The following EXD3 variants were observed in gnomAD, a reference collection of about 807,000 sequenced individuals.
The protein encoded by EXD3 is exonuclease mut-7 homolog.
EXD3 carries 92 observed loss-of-function variants against 98.0 expected under a neutral mutation model. The observed-to-expected ratio is 0.94, with a 90% CI of 0.79 to 1.12. The LOEUF (loss-of-function observed/expected upper bound fraction) is 1.12. Ranked by LOEUF, EXD3 falls within the 50% of genes most tolerant of loss-of-function variation. The pLI is 0.00. For synonymous variants in EXD3, 569 were observed against 526.0 expected, an observed-to-expected ratio of 1.08 and a Z score of -1.12; for missense variants, 1,222 against 1,191.6, an observed-to-expected ratio of 1.03 and a Z score of -0.38.
chr9:137,337,702 G>A (rs1393360363), intron 17 of EXD3, among the ~76,000 whole-genome samples: 2 of 152,066 alleles, frequency 1.3e-5, no homozygotes, highest in African/African-American at 2.4e-5. Context: ...TCTACTGAGT[G>A]TGTGCATATG....
intron 1 of EXD3, among the ~76,000 whole-genome samples, chr9:137,410,932 C>A (rs1022519753): frequency 2.7e-5 from 4 of 150,834 alleles, no homozygotes; most frequent in African/African-American, 9.8e-5. Context: ...GCCTGGCAGA[C>A]CCCCCAGGGC....
chr9:137,402,124 T>G (rs1300940846), intron 1 of EXD3, among the ~76,000 whole-genome samples: 1 of 152,152 alleles, frequency 6.6e-6, no homozygotes, highest in Non-Finnish European at 1.5e-5. Flanking sequence ...CAAGTGATTC[T>G]CTTGCCTCAG....
chr9:137,374,119 T>G (rs1835779044), intron 3 of EXD3, among the ~76,000 whole-genome samples: 1 of 152,274 alleles, frequency 6.6e-6, no homozygotes, highest in Non-Finnish European at 1.5e-5. Flanking sequence ...CTACAGCAAG[T>G]TGGCCCTCGC....
intron 1 of EXD3, among the ~76,000 whole-genome samples, chr9:137,419,865 T>G (rs1367983319): frequency 2.0e-5 from 3 of 148,730 alleles, no homozygotes; most frequent in Non-Finnish European, 4.5e-5. Flanking sequence ...CCCAACATCA[T>G]ACAGAAAAAA....
At chr9:137,406,694 G>A (rs771854002) in intron 1 of EXD3, among the ~76,000 whole-genome samples, 3 of 152,130 alleles carry the variant, frequency 2.0e-5, no homozygotes, top group Non-Finnish European at 4.4e-5. Flanking sequence ...CCATTCCCAC[G>A]GGCACTCCCA....
chr9:137,347,924 C>A lies in EXD3; in HGVS notation c.1998+147G>T. 1 of 978,578 alleles carries A rather than the reference C, an allele frequency of 1.0e-6. No individual in the cohort carries two copies. The highest frequency in any genetic ancestry group is 1.5e-6 in the Non-Finnish European group (1 of 681,654). The allele number at this position is 978,578 out of a possible 1,614,324, so 60.6% of individuals were successfully genotyped here. ...TGGCCCCCAACCGCTCCATCCTTGG[C>A]CACCCCGTCCTGTTCCCAGAGCCTG... On this transcript the variant is annotated intron_variant, in intron 17 of 21. Coordinates refer to ENST00000340951, the MANE Select transcript of EXD3 (RefSeq NM_017820.5). The surrounding 1 kb of genome is among the most constrained non-coding windows in gnomAD (Gnocchi z 4.2).
intron 17 of EXD3, among the ~76,000 whole-genome samples, chr9:137,335,148 T>C (rs1454609759): frequency 6.6e-6 from 1 of 150,420 alleles, no homozygotes; most frequent in African/African-American, 2.4e-5. Flanking sequence ...TTGCAAACTA[T>C]GCATCTAACG....
chr9:137,319,915 G>A (rs563853647), intron 19 of EXD3, among the ~76,000 whole-genome samples: 25 of 152,278 alleles, frequency 1.6e-4, no homozygotes, highest in African/African-American at 5.8e-4. Flanking sequence ...GGCCCAGCAG[G>A]GTCCCCAGCC....
rs1042641830 is a variant in EXD3, at chr9:137,395,848, G to A, written c.-47-444C>T. On this transcript the variant is annotated intron_variant, in intron 1 of 21. Coordinates refer to ENST00000340951, the MANE Select transcript of EXD3 (RefSeq NM_017820.5). This position sits in a 1 kb window ranked among gnomAD's most constrained non-coding sequence, Gnocchi z 6.5. ...CCTGCAGGACCAGGGACCTCGGAGT[G>A]ACGCCCTCACGGCTGACCCAGTACG... is the stretch of plus-strand genomic sequence containing the variant. 2.0e-5 allele frequency among the ~76,000 whole-genome samples: 3 copies of A among 152,342 alleles called. No homozygotes were observed. The East Asian group carries it at 5.8e-4, about 29-fold the overall frequency.
chr9:137,417,394 G>A (rs1461195328), intron 1 of EXD3, among the ~76,000 whole-genome samples: 1 of 152,222 alleles, frequency 6.6e-6, no homozygotes, highest in African/African-American at 2.4e-5. Flanking sequence ...GGGTGAGGCC[G>A]AACCTGACCA....
At position 137,366,497 on chromosome 9, in the gene EXD3, C is replaced by A; in HGVS notation, c.652G>T (p.Ala218Ser). The A allele has an allele frequency of 6.5e-7, 1 of 1,550,210 alleles. No homozygotes were observed. Among genetic ancestry groups the A allele is most frequent in the Non-Finnish European group, 8.7e-7 (1 of 1,146,802 alleles). The change falls in exon 7 of 22, where the codon GCC becomes TCC. Residue 218 changes from alanine to serine, a missense_variant. Transcript: ENST00000340951. ...CQPGFDIKDV[A>S]RRYPEVTSLS... ...CCAGCGCCCCACGGGACTCACCTGG[C>A]AACGTCCTTGATGTCAAAGCCGGGC... is the stretch of plus-strand genomic sequence containing the variant.
intron 19 of EXD3, among the ~76,000 whole-genome samples, chr9:137,317,316 C>G (rs1030573253): frequency 6.6e-6 from 1 of 152,162 alleles, no homozygotes; most frequent in African/African-American, 2.4e-5. Context: ...TTGAACCTGG[C>G]CATGGCCGGT....
At position 137,324,137 on chromosome 9, in the gene EXD3, TG is replaced by T; in HGVS notation, c.2004del (p.Arg669GlyfsTer8). On this transcript the variant is annotated frameshift_variant, in exon 18 of 22. Coordinates refer to ENST00000340951, the MANE Select transcript of EXD3 (RefSeq NM_017820.5). LOFTEE classifies it high-confidence loss of function. The surrounding 1 kb of genome is among the most constrained non-coding windows in gnomAD (Gnocchi z 4.1). ...GTCAGAATGATCCTCCCCTCCTGCC[TG>T]GCAACCTGTGTGGGAGGTGCGACCA... ...GEDHRRAAEV[A>X]RQEGRIILTS... The T allele has an allele frequency of 6.3e-7, 1 of 1,578,938 alleles. No individual in the cohort carries two copies. Among genetic ancestry groups the T allele is most frequent in the Non-Finnish European group, 8.6e-7 (1 of 1,163,030 alleles).
chr9:137,337,626 G>C (rs755738853), intron 17 of EXD3, among the ~76,000 whole-genome samples: 3 of 151,548 alleles, frequency 2.0e-5, no homozygotes, highest in Non-Finnish European at 4.4e-5. Context: ...ACTCCAGCCT[G>C]GGCGACAGAG....
chr9:137,344,005 C>T (rs1833793710), intron 17 of EXD3, among the ~76,000 whole-genome samples: 1 of 150,274 alleles, frequency 6.7e-6, no homozygotes, highest in Admixed American at 6.7e-5. Flanking sequence ...CATTCTCCTG[C>T]CTCAGTCTCC....
intron 3 of EXD3, among the ~76,000 whole-genome samples, chr9:137,382,147 C>T (rs866641622): frequency 1.4e-5 from 2 of 143,988 alleles, no homozygotes; most frequent in South Asian, 4.5e-4. Context: ...GAGGTGAGGG[C>T]GCGGGGAGGA....
chr9:137,372,826 C>T lies in EXD3; in HGVS notation c.462+79G>A, dbSNP rs145579723. 4,623 of 1,441,748 alleles carry T rather than the reference C, an allele frequency of 3.2e-3. 58 individuals carry two copies. Among genetic ancestry groups the T allele is most frequent in the South Asian group, 0.026 (2,061 of 80,130 alleles). 89.3% of individuals were successfully genotyped at this position (1,441,748 alleles called of 1,614,324 possible). A position where few individuals can be genotyped will look rare whatever the true frequency, so the allele number is the denominator to read the frequency against. On this transcript the variant is annotated intron_variant, in intron 5 of 21. Coordinates refer to ENST00000340951, the MANE Select transcript of EXD3 (RefSeq NM_017820.5). ...GCCCCAAACAGCCCCCACACAGAGG[C>T]GGCCCTGAGCCAGGCGCGTCCTTGC...
chr9:137,357,499 T>G (rs1314562560), intron 7 of EXD3, among the ~76,000 whole-genome samples: 1 of 152,080 alleles, frequency 6.6e-6, no homozygotes, highest in Admixed American at 6.6e-5. Flanking sequence ...AACCTCCCAC[T>G]GAGCTTTCAT....
intron 2 of EXD3, among the ~76,000 whole-genome samples, chr9:137,387,350 G>A (rs79451940): frequency 7.9e-4 from 121 of 152,354 alleles, no homozygotes; most frequent in African/African-American, 2.8e-3. Flanking sequence ...CACAGCCCAC[G>A]CAACTGGGGA....
Sources: gnomAD v4.1 joint callset for allele counts (sites outside exome capture counted in the v4.1 genomes callset) on GRCh38, gnomAD v4.1.1 for gene constraint, Gnocchi (gnomAD v3.1) non-coding constraint, MANE v1.5 for transcripts, NCBI Gene and HGNC (gene_info 2026-07-23, HGNC 2026-07-21) for gene names.